The following TM7SF3 variants were observed in gnomAD, a reference collection of about 807,000 sequenced individuals.
TM7SF3 encodes transmembrane 7 superfamily member 3, also known as seven span transmembrane protein.
In TM7SF3, 60 loss-of-function variants were observed where a neutral mutation model predicts 65.5. The observed-to-expected ratio is 0.92, with a 90% confidence interval of 0.74 to 1.14. The LOEUF is 1.14. Among genes scored for constraint, TM7SF3 ranks in the 50% most tolerant of loss-of-function variants. The probability of loss-of-function intolerance (pLI) is 0.00; values close to 1 mark genes in which losing one functional copy is unlikely to be tolerated. For synonymous variants in TM7SF3, 264 were observed against 259.6 expected (o/e 1.02, Z -0.16); for missense variants, 623 against 684.8 (o/e 0.91, Z 1.01).
chr12:26,976,436 G>C, intron 9 of TM7SF3, 79 bp from the exon 10 acceptor site: 1 of 875,896 alleles, frequency 1.1e-6, no homozygotes, highest in Non-Finnish European at 1.9e-6. Context: ...TCTGAACACA[G>C]ATATACATCA....
intron 1 of TM7SF3, among the ~76,000 whole-genome samples, chr12:27,009,410 C>G (rs1941162647): frequency 6.6e-6 from 1 of 152,124 alleles, no homozygotes; most frequent in Non-Finnish European, 1.5e-5. Flanking sequence ...CGATATTCCT[C>G]TATTTCTTTA....
Position 26,972,759 on chromosome 12 carries a change from G to A in TM7SF3, c.*1206C>T, listed in dbSNP as rs780318965. Among the ~76,000 whole-genome samples the A allele has an allele frequency of 2.0e-5, 3 of 151,764 alleles. No homozygotes were observed. Among genetic ancestry groups the A allele is most frequent in the Non-Finnish European group, 2.9e-5 (2 of 67,962 alleles). On this transcript the variant is annotated 3_prime_UTR_variant, in exon 12 of 12. Coordinates refer to ENST00000343028, the MANE Select transcript of TM7SF3 (RefSeq NM_016551.3). Reference sequence around the variant, plus strand: ...GCCACCGCACCTGGTCGGCAATATAGATTAAGGTGGGGGTTATTTCCTAAA... The same window carrying A: ...GCCACCGCACCTGGTCGGCAATATAAATTAAGGTGGGGGTTATTTCCTAAA...
chr12:26,977,441 G>T, intron 9 of TM7SF3, among the ~76,000 whole-genome samples: 1 of 152,212 alleles, frequency 6.6e-6, no homozygotes. Flanking sequence ...TTTTTTAAAT[G>T]CTAATGCTTA....
At position 27,012,368 on chromosome 12, in the gene TM7SF3, C is replaced by CA. The variant is rs201316813; in HGVS notation, c.91+1709dup. Among the ~76,000 whole-genome samples the CA allele has an allele frequency of 3.2e-3, 466 of 146,784 alleles. 4 individuals carry two copies. Among genetic ancestry groups the CA allele is most frequent in the African/African-American group, 9.6e-3 (383 of 40,046 alleles). On this transcript the variant is annotated intron_variant, in intron 1 of 11. Transcript: ENST00000343028. ...CCCTATTATAAGCAAGGTTTTTCTG[C>CA]AAAAAAAAAAGTTGCCCTTTTCAGC...
rs545696425 is a variant in TM7SF3 at position 26,990,607 on chromosome 12, A to C, written c.711T>G (p.Asn237Lys). The C allele has an allele frequency of 1.2e-6, 2 of 1,613,846 alleles. No individual in the cohort carries two copies. Among genetic ancestry groups the C allele is most frequent in the African/African-American group, 2.7e-5 (2 of 75,054 alleles). The part of the protein sequence containing the change: ...SALKVVTLTA[N>K]DKTSVSFSSL... ...AGGAGAAGGAAACACTTGTCTTATC[A>C]TTAGCTGTTAGGGTAACCACCTGAA... is the stretch of plus-strand genomic sequence containing the variant. The change falls in exon 6 of 12, where the codon AAT (asparagine) becomes AAG (lysine). Residue 237 changes from asparagine (N) to lysine (K), a missense_variant. Coordinates refer to ENST00000343028, the MANE Select transcript of TM7SF3 (RefSeq NM_016551.3).
chr12:26,991,343 G>T (rs562445196), intron 5 of TM7SF3, among the ~76,000 whole-genome samples: 1 of 150,932 alleles, frequency 6.6e-6, no homozygotes, highest in African/African-American at 2.4e-5. Flanking sequence ...TAGTAGAGAC[G>T]GGGTTTCACC....
At position 27,014,262 on chromosome 12, in the gene TM7SF3, GCGCC is replaced by G; in HGVS notation, c.-98_-95del. On this transcript the variant is annotated 5_prime_UTR_variant, in exon 1 of 12. The change abolishes the stop of an existing upstream ORF in the 5' untranslated region. Coordinates refer to ENST00000343028, the MANE Select transcript of TM7SF3 (RefSeq NM_016551.3). ...GCAGCCTCGCCCACGCTATCCCGGGGCGCCCGCATCGGGCGCCATCGCCCGCCAG... is the reference window on the plus strand; with the variant it reads ...GCAGCCTCGCCCACGCTATCCCGGGGCGCATCGGGCGCCATCGCCCGCCAG... 1 of 1,222,514 alleles carries G rather than the reference GCGCC, an allele frequency of 8.2e-7. No homozygotes were observed. The highest frequency in any genetic ancestry group is 1.1e-6 in the Non-Finnish European group (1 of 917,596). The allele number at this position is 1,222,514 out of a possible 1,614,324, so 75.7% of individuals were successfully genotyped here. A position where few individuals can be genotyped will look rare whatever the true frequency, so the allele number is the denominator to read the frequency against.
In TM7SF3 at chr12:26,972,744, C is replaced by T. The variant is rs373309488; in HGVS notation, c.*1221G>A. 6.6e-6 allele frequency among the ~76,000 whole-genome samples: 1 copy of T among 152,110 alleles called. No homozygotes were observed. The highest frequency in any genetic ancestry group is 2.1e-4 in the South Asian group (1 of 4,818). ...GGATTACAGGTTTGAGCCACCGCAC[C>T]TGGTCGGCAATATAGATTAAGGTGG... On this transcript the variant is annotated 3_prime_UTR_variant, in exon 12 of 12. Coordinates refer to ENST00000343028, the MANE Select transcript of TM7SF3 (RefSeq NM_016551.3).
In TM7SF3 at chr12:26,979,813, A is replaced by T; in HGVS notation, c.1160T>A (p.Ile387Asn). The T allele has an allele frequency of 6.2e-7, 1 of 1,614,132 alleles. No individual in the cohort carries two copies. The highest frequency in any genetic ancestry group is 2.2e-5 in the East Asian group (1 of 44,880). ...LCVGLVLGFL[I>N]SSVTFFTPLG... ...TGGAGTAAAGAAAGTCACTGACGAG[A>T]TGAGGAACCCCAGCACTAGTCCAAC... Residue 387 changes from isoleucine (I) to asparagine (N), a missense_variant, in exon 9 of 12, where the codon ATC (isoleucine) becomes AAC (asparagine). By Grantham distance (149) the Ile-to-Asn change is moderately radical. Transcript: ENST00000343028.
chr12:27,001,249 A>T (rs1251917934), intron 2 of TM7SF3, among the ~76,000 whole-genome samples: 1 of 152,194 alleles, frequency 6.6e-6, no homozygotes, highest in African/African-American at 2.4e-5. Context: ...AACTAAAGGC[A>T]GTCCAAGAAA....
intron 1 of TM7SF3, among the ~76,000 whole-genome samples, chr12:27,010,408 C>T (rs187668204): frequency 1.3e-5 from 2 of 152,298 alleles, no homozygotes; most frequent in Non-Finnish European, 2.9e-5. Flanking sequence ...ATAAGCATTA[C>T]GTTGAGAAAG....
In TM7SF3 at chr12:26,985,806, G is replaced by GTTTT. The variant is rs149988617; in HGVS notation, c.869-2951_869-2948dup. Among the ~76,000 whole-genome samples, 164 of 52,832 alleles carry GTTTT rather than the reference G, an allele frequency of 3.1e-3. 8 individuals carry two copies. Among genetic ancestry groups the GTTTT allele is most frequent in the South Asian group, 5.3e-3 (5 of 942 alleles). 34.7% of individuals were successfully genotyped at this position (52,832 alleles called of 152,430 possible). ...CTTTGCTTGGCCAAATTTCTTTTTC[G>GTTTT]TTTTTTTTTTTTTTTTTTTTTTTTT... On this transcript the variant is annotated intron_variant, in intron 6 of 11. Coordinates refer to ENST00000343028, the MANE Select transcript of TM7SF3 (RefSeq NM_016551.3).
chr12:26,986,599 T>G (rs1046794787), intron 6 of TM7SF3, among the ~76,000 whole-genome samples: 1 of 152,146 alleles, frequency 6.6e-6, no homozygotes, highest in Admixed American at 6.5e-5. Flanking sequence ...GATTTTTTTT[T>G]TCTTTAACAG....
intron 1 of TM7SF3, among the ~76,000 whole-genome samples, chr12:27,003,885 C>T (rs545887011): frequency 6.6e-6 from 1 of 152,286 alleles, no homozygotes; most frequent in South Asian, 2.1e-4. Flanking sequence ...TTCCTTAAAT[C>T]CCCTTAAGCC....
intron 6 of TM7SF3, among the ~76,000 whole-genome samples, chr12:26,986,542 C>T (rs1040288694): frequency 1.3e-5 from 2 of 152,142 alleles, no homozygotes; most frequent in East Asian, 3.8e-4. Context: ...AATACTACCC[C>T]CCACCTTGAA....
intron 1 of TM7SF3, among the ~76,000 whole-genome samples, chr12:27,010,210 C>A (rs758462988): frequency 1.3e-5 from 2 of 152,160 alleles, no homozygotes; most frequent in Admixed American, 6.5e-5. Flanking sequence ...TTAAACTGCC[C>A]AAGGCTACAC....
rs1189284280 is a variant in TM7SF3 at position 26,995,298 on chromosome 12, A to G, written c.629T>C (p.Met210Thr). The change falls in exon 5 of 12, where the codon ATG becomes ACG. Residue 210 changes from methionine to threonine, a missense_variant. Transcript: ENST00000343028. ...CATCCTCTGCAGATGCTTCAGCAAC[A>G]TCTCCTCAGTGAGGTCATTCTCAGG... ...FLPENDLTEE[M>T]LLKHLQRMVS... The G allele has an allele frequency of 6.2e-7, 1 of 1,614,164 alleles. No homozygotes were observed. The highest frequency in any genetic ancestry group is 1.7e-5 in the Admixed American group (1 of 60,010).
At chr12:26,989,022 G>T (rs768693378) in intron 6 of TM7SF3, among the ~76,000 whole-genome samples, 1 of 152,078 alleles carries the variant, frequency 6.6e-6, no homozygotes, top group African/African-American at 2.4e-5. Flanking sequence ...TCATTTTATT[G>T]TAAGACTATA....
chr12:26,985,946 A>G (rs11048796), intron 6 of TM7SF3, among the ~76,000 whole-genome samples: 10,910 of 146,600 alleles, frequency 0.074, 505 homozygotes, highest in Non-Finnish European at 0.1. Flanking sequence ...CAGCCTCCCT[A>G]GTAGCTGGGA....
Sources: allele counts gnomAD v4.1 joint callset (sites outside exome capture counted in the v4.1 genomes callset), GRCh38; gene constraint gnomAD v4.1.1; transcripts MANE v1.5; gene names NCBI Gene and HGNC (gene_info 2026-07-23, HGNC 2026-07-21).